The following RBM27 variants were observed in gnomAD, a reference collection of about 807,000 sequenced individuals.
RBM27 encodes the protein RNA-binding protein 27.
In RBM27, 22 loss-of-function variants were observed where a neutral mutation model predicts 135.3. The ratio of observed to expected loss-of-function variants is 0.16; its 90% CI spans 0.12 to 0.23. The LOEUF (loss-of-function observed/expected upper bound fraction) is 0.23, where lower values mean the gene tolerates loss of function less well. Ranked by LOEUF, RBM27 falls within the 10% of genes least tolerant of loss-of-function variation. The pLI is 1.00. For missense variants in RBM27, 1,009 were observed against 1,281.0 expected (o/e 0.79, Z 3.24); for synonymous variants, 481 against 442.4 (o/e 1.09, Z -1.10).
chr5:146,270,605 T>C (rs1758821964), intron 17 of RBM27, among the ~76,000 whole-genome samples: 1 of 152,202 alleles, frequency 6.6e-6, no homozygotes, highest in Non-Finnish European at 1.5e-5. Flanking sequence ...GCTGTTACTT[T>C]GTATTATAAA....
chr5:146,285,791 C>CTT (rs3062196), intron 20 of RBM27, among the ~76,000 whole-genome samples, 156 bp from the exon 21 acceptor site: 9,988 of 136,714 alleles, frequency 0.073, 395 homozygotes, highest in African/African-American at 0.095. Context: ...ATATTTTGGG[C>CTT]TTTTTTTTTT....
intron 8 of RBM27, among the ~76,000 whole-genome samples, chr5:146,248,101 T>G (rs955566348): frequency 1.7e-4 from 25 of 148,728 alleles, no homozygotes; most frequent in Admixed American, 1.3e-3. Context: ...GGAACTCCTG[T>G]TTTTTTTTTA....
intron 13 of RBM27, 41 bp downstream of exon 13, chr5:146,261,847 C>T (rs781584020): frequency 6.3e-7 from 1 of 1,597,566 alleles, no homozygotes. Context: ...TTTAGTTACA[C>T]CCTCTAGATC....
chr5:146,264,553 C>T (rs1758536336), intron 14 of RBM27, among the ~76,000 whole-genome samples: 1 of 149,466 alleles, frequency 6.7e-6, no homozygotes, highest in Admixed American at 6.7e-5. Context: ...GGTATTCTGT[C>T]ATAGTAAAAA....
chr5:146,259,504 C>CAAA (rs35438348), intron 11 of RBM27, among the ~76,000 whole-genome samples: 5 of 61,622 alleles, frequency 8.1e-5, no homozygotes, highest in Non-Finnish European at 1.2e-4. Flanking sequence ...AACTCTGTCT[C>CAAA]AAAAAAAAAA....
At chr5:146,206,408 A>G (rs1201664597) in intron 1 of RBM27, among the ~76,000 whole-genome samples, 1 of 141,116 alleles carries the variant, frequency 7.1e-6, no homozygotes, top group African/African-American at 2.6e-5. Flanking sequence ...ACTTAGACTC[A>G]TAAGTATGAT....
chr5:146,244,387 C>T (rs1024807000), intron 8 of RBM27, among the ~76,000 whole-genome samples: 1 of 152,074 alleles, frequency 6.6e-6, no homozygotes, highest in Non-Finnish European at 1.5e-5. Flanking sequence ...TTATAAAAAA[C>T]TTTGAAATTT....
intron 19 of RBM27, among the ~76,000 whole-genome samples, chr5:146,276,009 C>G (rs2126898788): frequency 6.6e-6 from 1 of 152,160 alleles, no homozygotes; most frequent in East Asian, 1.9e-4. Context: ...GGCTTTTTTC[C>G]TCTTGCCTTG....
intron 8 of RBM27, chr5:146,245,261 C>T (rs568151893): frequency 1.3e-5 from 2 of 152,226 alleles, no homozygotes; most frequent in East Asian, 3.9e-4. Context: ...CTGCAGCCTC[C>T]AAGTTTGAAC....
Position 146,260,277 on chromosome 5 carries a change from C to T in RBM27, c.1740-468C>T, listed in dbSNP as rs571887965. On this transcript the variant is annotated intron_variant, in intron 11 of 20. Transcript: ENST00000265271. ...TTGTTCCACGGCACTCCAGCCTGGG[C>T]GAATGAGTGAGACTCCGTCTACAAA... Among the ~76,000 whole-genome samples, 5 of 149,716 alleles carry T rather than the reference C, an allele frequency of 3.3e-5. No individual in the cohort carries two copies. In the East Asian group the frequency reaches 7.8e-4, roughly 23 times the overall value.
intron 3 of RBM27, among the ~76,000 whole-genome samples, chr5:146,225,753 A>G (rs1489652743): frequency 6.6e-6 from 1 of 151,970 alleles, no homozygotes; most frequent in Non-Finnish European, 1.5e-5. Context: ...TTTAATAGAG[A>G]TGGGGTTTCA....
At chr5:146,220,404 G>A (rs1386063117) in intron 2 of RBM27, among the ~76,000 whole-genome samples, 1 of 150,848 alleles carries the variant, frequency 6.6e-6, no homozygotes, top group Non-Finnish European at 1.5e-5. Context: ...GAACCCAGGA[G>A]GCAGAGGTTG....
chr5:146,217,479 T>G (rs1214958099), intron 1 of RBM27, among the ~76,000 whole-genome samples: 3 of 138,126 alleles, frequency 2.2e-5, no homozygotes, highest in African/African-American at 2.7e-5. Flanking sequence ...TTTTTTTTTT[T>G]TTTTTTTTTT....
At chr5:146,273,473 C>G (rs1758953463) in intron 19 of RBM27, among the ~76,000 whole-genome samples, 1 of 152,106 alleles carries the variant, frequency 6.6e-6, no homozygotes, top group African/African-American at 2.4e-5. Context: ...ACTTCAAGAA[C>G]AAAACACTTC....
chr5:146,229,956 G>A, intron 5 of RBM27, 46 bp downstream of exon 5: 1 of 1,601,994 alleles, frequency 6.2e-7, no homozygotes, highest in Non-Finnish European at 8.5e-7. Context: ...TTATTTATCT[G>A]TCTCTATCAC....
chr5:146,210,928 C>T (rs1356043243), intron 1 of RBM27, among the ~76,000 whole-genome samples: 3 of 148,948 alleles, frequency 2.0e-5, no homozygotes, highest in African/African-American at 7.4e-5. Flanking sequence ...GCCTGGGCGG[C>T]AGAGCGAGAC....
In RBM27 at chr5:146,261,585, A is replaced by T. The variant is rs1157720486; in HGVS notation, c.1969A>T (p.Ser657Cys). 5 of 1,614,238 alleles carry T rather than the reference A, an allele frequency of 3.1e-6. No homozygotes were observed. Among genetic ancestry groups the T allele is most frequent in the Non-Finnish European group, 4.2e-6 (5 of 1,180,030 alleles). The change falls in exon 13 of 21, where the codon AGC becomes TGC. Residue 657 changes from serine to cysteine, a missense_variant. Transcript: ENST00000265271. ...TNEEARKAISSTEAVLNNRFI... is the reference protein window; with the variant it reads ...TNEEARKAISCTEAVLNNRFI... ...TGAGGAGGCCAGGAAAGCCATTTCT[A>T]GCACAGAAGCAGTTCTAAACAACCG...
At chr5:146,274,491 C>T (rs1405085957) in intron 19 of RBM27, among the ~76,000 whole-genome samples, 1 of 152,122 alleles carries the variant, frequency 6.6e-6, no homozygotes, top group Non-Finnish European at 1.5e-5. Flanking sequence ...AACTCCTGGC[C>T]TCCAGTGATA....
At chr5:146,232,780 G>A (rs1247270992) in intron 6 of RBM27, among the ~76,000 whole-genome samples, 1 of 152,134 alleles carries the variant, frequency 6.6e-6, no homozygotes, top group Non-Finnish European at 1.5e-5. Context: ...TGTTGGTCAG[G>A]ATGGTCTCAG....
Sources: allele counts gnomAD v4.1 joint callset (sites outside exome capture counted in the v4.1 genomes callset), GRCh38; gene constraint gnomAD v4.1.1; transcripts MANE v1.5; gene names NCBI Gene and HGNC (gene_info 2026-07-23, HGNC 2026-07-21).